Variants in LAMA1 observed in about 807,000 individuals in gnomAD.
LAMA1 encodes laminin subunit alpha 1.
A neutral mutation model predicts 348.7 loss-of-function variants in LAMA1; 219 were observed. The observed-to-expected ratio is 0.63, with a 90% CI of 0.56 to 0.70. The LOEUF is 0.70. Ranked by LOEUF, LAMA1 falls within the 30% of genes least tolerant of loss-of-function variation. The pLI is 0.00. For missense variants in LAMA1, 3,744 were observed against 3,888.0 expected (o/e 0.96, Z 0.99); for synonymous variants, 1,487 against 1,491.0 (o/e 1.00, Z 0.06).
rs187089562 is a variant in LAMA1, at chr18:7,101,191, T to G, written c.61+16469A>C. 5.8e-4 allele frequency among the ~76,000 whole-genome samples: 88 copies of G among 152,284 alleles called. 1 individual carries two copies. Among genetic ancestry groups the G allele is most frequent in the South Asian group, 1.2e-3 (6 of 4,816 alleles). On this transcript the variant is annotated intron_variant, in intron 1 of 62. Coordinates refer to ENST00000389658, the MANE Select transcript of LAMA1 (RefSeq NM_005559.4). ...GACTGTGATTGTATAGCACTCTAAA[T>G]TTACTAAAAAACATTAAACTGTACA...
intron 57 of LAMA1, among the ~76,000 whole-genome samples, chr18:6,951,947 G>A (rs1012201693): frequency 3.3e-5 from 5 of 152,192 alleles, no homozygotes; most frequent in African/African-American, 7.2e-5. Context: ...AATTCCATTC[G>A]GGGTGATGAG....
At position 6,955,527 on chromosome 18, in the gene LAMA1, C is replaced by A. The variant is rs555722981; in HGVS notation, c.8095-62G>T. The A allele has an allele frequency of 1.4e-4, 168 of 1,212,372 alleles. 1 individual carries two copies. In the South Asian group the frequency reaches 2.0e-3, roughly 14 times the overall value. The allele number at this position is 1,212,372 out of a possible 1,614,324, so 75.1% of individuals were successfully genotyped here. ...GCAGCCCGAACCCCACTGACACACG[C>A]GTGTTCCGCCATGAAGGGCCATCTA... On this transcript the variant is annotated intron_variant, in intron 56 of 62. Coordinates refer to ENST00000389658, the MANE Select transcript of LAMA1 (RefSeq NM_005559.4).
intron 14 of LAMA1, among the ~76,000 whole-genome samples, chr18:7,033,514 T>C (rs1259653404): frequency 6.6e-6 from 1 of 151,230 alleles, no homozygotes; most frequent in African/African-American, 2.4e-5. Context: ...TGTAAATAAC[T>C]AAAGGTCTTT....
At chr18:7,099,046 G>A (rs2058279485) in intron 1 of LAMA1, among the ~76,000 whole-genome samples, 3 of 152,148 alleles carry the variant, frequency 2.0e-5, no homozygotes, top group South Asian at 2.1e-4. Flanking sequence ...GCGGGGAAAA[G>A]ATTGAGAAAT....
intron 1 of LAMA1, among the ~76,000 whole-genome samples, chr18:7,086,359 C>G (rs1338014679): frequency 6.6e-6 from 1 of 152,218 alleles, no homozygotes; most frequent in Admixed American, 6.5e-5. Context: ...CAGACAGGAA[C>G]AGATACAACG....
intron 12 of LAMA1, among the ~76,000 whole-genome samples, chr18:7,036,803 C>T (rs566343124): frequency 6.6e-6 from 1 of 152,134 alleles, no homozygotes; most frequent in Admixed American, 6.5e-5. Flanking sequence ...TAAATAGAAG[C>T]GTACCAAGCT....
chr18:6,951,586 A>G (rs1287463940), intron 57 of LAMA1, among the ~76,000 whole-genome samples: 5 of 152,128 alleles, frequency 3.3e-5, no homozygotes. Context: ...AAGTCACAGG[A>G]GGGCTTTGAA....
chr18:7,055,822 C>T (rs2058079343), intron 3 of LAMA1, among the ~76,000 whole-genome samples: 1 of 152,038 alleles, frequency 6.6e-6, no homozygotes, highest in Non-Finnish European at 1.5e-5. Flanking sequence ...TGGCTCGCAC[C>T]TGTAATCCCA....
At position 6,986,226 on chromosome 18, in the gene LAMA1, C is replaced by A. The variant is rs1238409288; in HGVS notation, c.5290G>T (p.Ala1764Ser). The A allele has an allele frequency of 1.2e-6, 2 of 1,614,196 alleles. No homozygotes were observed. Among genetic ancestry groups the A allele is most frequent in the Admixed American group, 1.7e-5 (1 of 60,008 alleles). The change falls in exon 37 of 63, where the codon GCT becomes TCT. Residue 1764 changes from alanine (A) to serine (S), a missense_variant. Around this residue, in one of 3 missense-constraint regions of LAMA1, gnomAD observed 1,983 missense variants for 1,934.3 expected, o/e 1.03. Coordinates refer to ENST00000389658, the MANE Select transcript of LAMA1 (RefSeq NM_005559.4). The part of the protein sequence containing the change: ...LSKHNNELKA[A>S]EALVREAEAK... ...TCAGCTTCCCTCACGAGCGCCTCAGCCGCCTTTAGTTCATTGTTGTGCTTT... is the reference window on the plus strand; with the variant it reads ...TCAGCTTCCCTCACGAGCGCCTCAGACGCCTTTAGTTCATTGTTGTGCTTT...
At chr18:6,948,331 C>A in intron 60 of LAMA1, 72 bp downstream of exon 60, 1 of 1,593,376 alleles carries the variant, frequency 6.3e-7, no homozygotes, top group Non-Finnish European at 8.6e-7. Flanking sequence ...CTGTCTTATA[C>A]TCTTGGATCC....
chr18:7,038,536 T>A (rs1598292619), intron 11 of LAMA1: 1 of 492,454 alleles, frequency 2.0e-6, no homozygotes, highest in Non-Finnish European at 3.7e-6. Context: ...CCCCACCCAA[T>A]CCATTTCCCC....
intron 2 of LAMA1, 67 bp from the exon 3 acceptor site, chr18:7,080,154 C>A: frequency 6.4e-7 from 1 of 1,563,828 alleles, no homozygotes; most frequent in Non-Finnish European, 8.8e-7. Flanking sequence ...AAGTTCTAAA[C>A]CGTAATGCTA....
chr18:6,959,159 T>C (rs1188266821), intron 54 of LAMA1, among the ~76,000 whole-genome samples, 182 bp downstream of exon 54: 1 of 152,168 alleles, frequency 6.6e-6, no homozygotes. Flanking sequence ...ATTCTACAAG[T>C]ATCTTATTAC....
intron 24 of LAMA1, among the ~76,000 whole-genome samples, chr18:7,011,704 A>AATGAT (rs1178905098): frequency 2.6e-4 from 39 of 152,298 alleles, no homozygotes; most frequent in African/African-American, 8.9e-4. Context: ...GGAAACGTTC[A>AATGAT]ATGATATGCA....
intron 19 of LAMA1, among the ~76,000 whole-genome samples, chr18:7,022,306 A>C (rs971192369): frequency 6.6e-6 from 1 of 152,204 alleles, no homozygotes; most frequent in African/African-American, 2.4e-5. Flanking sequence ...AAAATGATAA[A>C]AACATTCTAC....
chr18:6,993,439 A>G lies in LAMA1; in HGVS notation c.5008+202T>C, dbSNP rs115933217. Reference sequence around the variant, plus strand: ...TTAGGCATAATGCAGAAAATAAAAAAAGAAATATGCATTTTTTTAAAGCTA... The same window carrying G: ...TTAGGCATAATGCAGAAAATAAAAAGAGAAATATGCATTTTTTTAAAGCTA... On this transcript the variant is annotated intron_variant, in intron 35 of 62. Coordinates refer to ENST00000389658, the MANE Select transcript of LAMA1 (RefSeq NM_005559.4). Among the ~76,000 whole-genome samples, 427 of 152,330 alleles carry G rather than the reference A, an allele frequency of 2.8e-3. 3 individuals carry two copies. The highest frequency in any genetic ancestry group is 9.2e-3 in the African/African-American group (381 of 41,572).
At chr18:7,006,950 A>G (rs568782983) in intron 29 of LAMA1, among the ~76,000 whole-genome samples, 189 bp downstream of exon 29, 2 of 152,366 alleles carry the variant, frequency 1.3e-5, no homozygotes, top group East Asian at 3.9e-4. Context: ...AATTTATAAA[A>G]GAATTTCCAC....
At chr18:6,958,356 A>G (rs2057590108) in intron 55 of LAMA1, 121 bp downstream of exon 55, 10 of 1,009,524 alleles carry the variant, frequency 9.9e-6, no homozygotes, top group Non-Finnish European at 1.6e-6. Flanking sequence ...GGGTTCACTC[A>G]TTATTTGGGA....
intron 16 of LAMA1, among the ~76,000 whole-genome samples, chr18:7,026,431 TGAA>T (rs561006671): frequency 2.0e-4 from 30 of 152,314 alleles, no homozygotes; most frequent in Non-Finnish European, 3.8e-4. Context: ...GGAATTCTGA[TGAA>T]GAGTGGGATA....
Sources: allele counts gnomAD v4.1 joint callset (sites outside exome capture counted in the v4.1 genomes callset), GRCh38; gene constraint gnomAD v4.1.1; regional missense constraint gnomAD v4.1.1; transcripts MANE v1.5; gene names NCBI Gene and HGNC (gene_info 2026-07-23, HGNC 2026-07-21).